Variants in PRKN observed in about 807,000 individuals in gnomAD.
PRKN encodes the protein parkin RBR E3 ubiquitin protein ligase.
A neutral mutation model predicts 59.5 loss-of-function variants in PRKN; 56 were observed. The observed-to-expected ratio is 0.94, with a 90% CI of 0.76 to 1.18. The LOEUF is 1.18. Ranked by LOEUF, PRKN falls within the 50% of genes most tolerant of loss-of-function variation. PRKN has a pLI of 0.00. For missense variants in PRKN, 657 were observed against 596.4 expected (o/e 1.10, Z -1.06); for synonymous variants, 250 against 222.1 (o/e 1.13, Z -1.12).
intron 4 of PRKN, among the ~76,000 whole-genome samples, chr6:162,150,346 C>T (rs953205444): frequency 6.6e-6 from 1 of 152,168 alleles, no homozygotes; most frequent in African/African-American, 2.4e-5. Context: ...GGGGCCTTCT[C>T]TGTTTCTGCT....
chr6:162,556,401 G>GTC lies in PRKN; in HGVS notation c.8-112929_8-112928insGA, dbSNP rs1554243503. ...TGTGTGTGTGTGTGTGTGTGTGTGT[G>GTC]TGTCAGTTTGGCAGACGCCTTCTTT... On this transcript the variant is annotated intron_variant, in intron 1 of 11. Transcript: ENST00000366898. Among the ~76,000 whole-genome samples, 1,132 of 131,208 alleles carry GTC rather than the reference G, an allele frequency of 8.6e-3. 19 individuals are homozygous for GTC. Among genetic ancestry groups the GTC allele is most frequent in the South Asian group, 0.019 (70 of 3,732 alleles). The allele number at this position is 131,208 out of a possible 152,430, so 86.1% of individuals were successfully genotyped here. A position where few individuals can be genotyped will look rare whatever the true frequency, so the allele number is the denominator to read the frequency against.
At chr6:162,229,834 T>C (rs942166710) in intron 3 of PRKN, among the ~76,000 whole-genome samples, 3 of 152,248 alleles carry the variant, frequency 2.0e-5, no homozygotes, top group Non-Finnish European at 2.9e-5. Context: ...CTGTTTGACA[T>C]TTCTGTATGG....
intron 4 of PRKN, among the ~76,000 whole-genome samples, chr6:162,138,004 G>A (rs982748970): frequency 5.9e-5 from 9 of 152,026 alleles, no homozygotes; most frequent in Non-Finnish European, 1.2e-4. Context: ...TATAGCAGAG[G>A]AAGGGAGACA....
At position 162,248,576 on chromosome 6, in the gene PRKN, T is replaced by C. The variant is rs1304897318; in HGVS notation, c.412+13949A>G. ...TACTGATACTTCAAAGAATAGACTCTTGGGTACTGGCGTTAGAGCTGACAT... is the reference window on the plus strand; with the variant it reads ...TACTGATACTTCAAAGAATAGACTCCTGGGTACTGGCGTTAGAGCTGACAT... On this transcript the variant is annotated intron_variant, in intron 3 of 11. Transcript: ENST00000366898. Among the ~76,000 whole-genome samples, 3 of 152,110 alleles carry C rather than the reference T, an allele frequency of 2.0e-5. No homozygotes were observed. The East Asian group carries it at 5.8e-4, about 30-fold the overall frequency.
rs1009226295 is a variant in PRKN, at chr6:162,024,531, CTTT to C, written c.618+29557_618+29559del. Among the ~76,000 whole-genome samples, 5 of 152,162 alleles carry C rather than the reference CTTT, an allele frequency of 3.3e-5. 1 individual carries two copies. The highest frequency in any genetic ancestry group is 3.3e-4 in the Admixed American group (5 of 15,268). ...CTATTTTAAATTTTTACATTTACCA[CTTT>C]TTTGTTAAAAATTAAAACAGAGTTT... is the stretch of plus-strand genomic sequence containing the variant. On this transcript the variant is annotated intron_variant, in intron 5 of 11. Coordinates refer to ENST00000366898, the MANE Select transcript of PRKN (RefSeq NM_004562.3).
intron 2 of PRKN, among the ~76,000 whole-genome samples, chr6:162,361,377 A>G (rs1785128613): frequency 6.6e-6 from 1 of 152,124 alleles, no homozygotes; most frequent in African/African-American, 2.4e-5. Context: ...TGAGGTCACA[A>G]GCCAGGATTG....
intron 5 of PRKN, among the ~76,000 whole-genome samples, chr6:161,981,477 T>C (rs1781255286): frequency 6.6e-6 from 1 of 152,058 alleles, no homozygotes; most frequent in Admixed American, 6.6e-5. Context: ...CCCAGGAATT[T>C]GAGACCAGCA....
At position 161,836,635 on chromosome 6, in the gene PRKN, G is replaced by A. The variant is rs77419398; in HGVS notation, c.735-50727C>T. On this transcript the variant is annotated intron_variant, in intron 6 of 11. Transcript: ENST00000366898. ...TCATAATTATCATATGCCTCTCCAG[G>A]ATTTCTCCACGGAGAAAAACCTAAG... is the stretch of plus-strand genomic sequence containing the variant. Among the ~76,000 whole-genome samples, 9 of 152,234 alleles carry A rather than the reference G, an allele frequency of 5.9e-5. No individual in the cohort carries two copies. The East Asian group carries it at 1.7e-3, about 29-fold the overall frequency.
intron 1 of PRKN, among the ~76,000 whole-genome samples, chr6:162,613,437 A>G (rs1782273129): frequency 6.6e-6 from 1 of 152,220 alleles, no homozygotes; most frequent in South Asian, 2.1e-4. Context: ...TAGATTTGTA[A>G]TAATTCTAGA....
At chr6:162,585,863 G>A (rs556224920) in intron 1 of PRKN, among the ~76,000 whole-genome samples, 10 of 148,474 alleles carry the variant, frequency 6.7e-5, no homozygotes, top group Non-Finnish European at 1.4e-4. Flanking sequence ...CACCATGCCC[G>A]GCTAATTTTT....
intron 2 of PRKN, among the ~76,000 whole-genome samples, chr6:162,314,052 C>T (rs1782645636): frequency 6.6e-6 from 1 of 152,072 alleles, no homozygotes; most frequent in Non-Finnish European, 1.5e-5. Flanking sequence ...AGTCATATCG[C>T]CACCACCCAA....
Position 161,897,966 on chromosome 6 carries a change from C to CAAAAAAAAA in PRKN, c.734+75327_734+75335dup, listed in dbSNP as rs55714271. 9.7e-4 allele frequency among the ~76,000 whole-genome samples: 37 copies of CAAAAAAAAA among 38,288 alleles called. 4 individuals carry two copies. Among genetic ancestry groups the CAAAAAAAAA allele is most frequent in the African/African-American group, 3.7e-3 (26 of 7,040 alleles). 25.1% of individuals were successfully genotyped at this position (38,288 alleles called of 152,430 possible). A position where few individuals can be genotyped will look rare whatever the true frequency, so the allele number is the denominator to read the frequency against. On this transcript the variant is annotated intron_variant, in intron 6 of 11. Coordinates refer to ENST00000366898, the MANE Select transcript of PRKN (RefSeq NM_004562.3). ...TGGGTGACAGAGCGAGACTCCGTCT[C>CAAAAAAAAA]AAAAAAAAAAAAAAAAAAGTCTCCC... is the stretch of plus-strand genomic sequence containing the variant.
At position 162,210,889 on chromosome 6, in the gene PRKN, AG is replaced by A. The variant is rs527382714; in HGVS notation, c.413-9638del. The stretch of plus-strand genomic sequence containing the variant: ...TTGTATGGTTGTGGAATGGTACTAA[AG>A]GGGATTCAATATGTATTTCAAAATT... On this transcript the variant is annotated intron_variant, in intron 3 of 11. Coordinates refer to ENST00000366898, the MANE Select transcript of PRKN (RefSeq NM_004562.3). 8.5e-5 allele frequency among the ~76,000 whole-genome samples: 13 copies of A among 152,326 alleles called. No individual in the cohort carries two copies. The East Asian group carries it at 2.5e-3, about 29-fold the overall frequency.
At chr6:161,796,127 A>G (rs535489200) in intron 6 of PRKN, among the ~76,000 whole-genome samples, 93 of 152,322 alleles carry the variant, frequency 6.1e-4, no homozygotes, top group Non-Finnish European at 1.0e-3. Flanking sequence ...ATAGAAATAC[A>G]AAGCCACGAT....
At chr6:161,882,353 T>A (rs1298476807) in intron 6 of PRKN, among the ~76,000 whole-genome samples, 2 of 151,908 alleles carry the variant, frequency 1.3e-5, no homozygotes, top group Non-Finnish European at 2.9e-5. Context: ...GGCGGGGGCG[T>A]GCGGTGCAAG....
intron 4 of PRKN, among the ~76,000 whole-genome samples, chr6:162,076,707 T>C (rs1019385911): frequency 6.6e-6 from 1 of 152,132 alleles, no homozygotes; most frequent in African/African-American, 2.4e-5. Context: ...CCGCAAGAAT[T>C]TCCCCAAATT....
chr6:161,984,323 C>T (rs1454243504), intron 5 of PRKN, among the ~76,000 whole-genome samples: 3 of 152,034 alleles, frequency 2.0e-5, no homozygotes, highest in Non-Finnish European at 4.4e-5. Context: ...AGAGGCGTGA[C>T]CTTGGCTCAC....
intron 3 of PRKN, among the ~76,000 whole-genome samples, chr6:162,252,404 C>G (rs987726347): frequency 6.6e-6 from 1 of 152,220 alleles, no homozygotes; most frequent in African/African-American, 2.4e-5. Flanking sequence ...ATCTGTCTGT[C>G]TCTGACAAAA....
At chr6:162,396,416 T>C (rs1787477597) in intron 2 of PRKN, among the ~76,000 whole-genome samples, 1 of 152,088 alleles carries the variant, frequency 6.6e-6, no homozygotes, top group Non-Finnish European at 1.5e-5. Flanking sequence ...GTGTCACTAG[T>C]TCTGGCTAAC....
Sources: gnomAD v4.1 joint callset for allele counts (sites outside exome capture counted in the v4.1 genomes callset) on GRCh38, gnomAD v4.1.1 for gene constraint, MANE v1.5 for transcripts, NCBI Gene and HGNC (gene_info 2026-07-23, HGNC 2026-07-21) for gene names.